Variants in ICA1 observed in about 807,000 individuals in gnomAD.
ICA1 encodes the protein islet cell autoantigen 1, also known as 69 kDa islet cell autoantigen.
ICA1 carries 40 observed loss-of-function variants against 71.0 expected under a neutral mutation model. That is an observed-to-expected ratio of 0.56 (90% confidence interval 0.44 to 0.73). ICA1 has a LOEUF of 0.73. Ranked by LOEUF, ICA1 falls within the 30% of genes least tolerant of loss-of-function variation. The pLI is 0.00. For synonymous variants in ICA1, 207 were observed against 209.5 expected (o/e 0.99, Z 0.10); for missense variants, 578 against 576.5 (o/e 1.00, Z -0.03).
intron 6 of ICA1, among the ~76,000 whole-genome samples, chr7:8,185,747 A>G (rs1783696895): frequency 6.6e-6 from 1 of 152,232 alleles, no homozygotes; most frequent in African/African-American, 2.4e-5. Flanking sequence ...TAATTTCCAA[A>G]TTAGTAAACA....
At position 8,113,654 on chromosome 7, in the gene ICA1, C is replaced by G; in HGVS notation, c.*269G>C. On this transcript the variant is annotated 3_prime_UTR_variant, in exon 14 of 14. Transcript: ENST00000402384. The surrounding 1 kb of genome is among the most constrained non-coding windows in gnomAD (Gnocchi z 4.2). Reference sequence around the variant, plus strand: ...CGGTAGCCCAGTGACACCGCAGCAGCCATGATGGGATGTAGGCAGGAGAGC... The same window carrying G: ...CGGTAGCCCAGTGACACCGCAGCAGGCATGATGGGATGTAGGCAGGAGAGC... 3.3e-6 allele frequency: 1 copy of G among 306,824 alleles called. No homozygotes were observed. Among genetic ancestry groups the G allele is most frequent in the Middle Eastern group, 1.0e-3 (1 of 970 alleles). The allele number at this position is 306,824 out of a possible 1,614,324, so 19.0% of individuals were successfully genotyped here.
intron 5 of ICA1, 103 bp from the exon 6 acceptor site, chr7:8,218,606 G>A (rs1796106279): frequency 1.1e-6 from 1 of 874,040 alleles, no homozygotes; most frequent in Non-Finnish European, 1.9e-6. Context: ...AACAGTACCT[G>A]GAATGTAGAA....
intron 12 of ICA1, among the ~76,000 whole-genome samples, chr7:8,129,695 AT>A (rs924356521): frequency 4.6e-5 from 7 of 152,062 alleles, no homozygotes; most frequent in African/African-American, 1.2e-4. Flanking sequence ...AGACAGTGTG[AT>A]TTTTTTTAAA....
Position 8,260,989 on chromosome 7 carries a change from T to C in ICA1, c.-80+1105A>G, listed in dbSNP as rs118144964. On this transcript the variant is annotated intron_variant, in intron 1 of 13. Transcript: ENST00000402384. ...AACATGTTTGCGATGAGTCATATTT[T>C]ATAGGACCTTAATGGCCAATAAATG... Among the ~76,000 whole-genome samples, 899 of 152,348 alleles carry C rather than the reference T, an allele frequency of 5.9e-3. 21 individuals carry two copies. The highest frequency in any genetic ancestry group is 0.043 in the East Asian group (225 of 5,178).
At chr7:8,140,194 GACA>G (rs1268049989) in intron 10 of ICA1, among the ~76,000 whole-genome samples, 6 of 152,128 alleles carry the variant, frequency 3.9e-5, no homozygotes, top group Admixed American at 6.5e-5. Context: ...CCTTGACTAT[GACA>G]ACATTAGTGA....
intron 8 of ICA1, among the ~76,000 whole-genome samples, chr7:8,145,307 C>A (rs1037723334): frequency 2.6e-5 from 4 of 152,188 alleles, no homozygotes; most frequent in Non-Finnish European, 5.9e-5. Flanking sequence ...TCCCTACCAT[C>A]CCCCAAACAT....
At chr7:8,149,839 G>A (rs1425335111) in intron 8 of ICA1, among the ~76,000 whole-genome samples, 2 of 152,196 alleles carry the variant, frequency 1.3e-5, no homozygotes, top group Non-Finnish European at 2.9e-5. Context: ...ATTCAGTTGG[G>A]TATGTGTATG....
intron 6 of ICA1, among the ~76,000 whole-genome samples, chr7:8,180,406 CAATT>C (rs1781849196): frequency 6.6e-6 from 1 of 152,084 alleles, no homozygotes; most frequent in Non-Finnish European, 1.5e-5. Context: ...AATGGTACCA[CAATT>C]AATTTATCCT....
At chr7:8,258,871 A>T (rs1811211387) in intron 1 of ICA1, among the ~76,000 whole-genome samples, 1 of 152,240 alleles carries the variant, frequency 6.6e-6, no homozygotes, top group Non-Finnish European at 1.5e-5. Flanking sequence ...ATCCAGGGCA[A>T]ATCATGCCTG....
intron 6 of ICA1, among the ~76,000 whole-genome samples, chr7:8,196,702 A>C (rs990918943): frequency 6.6e-6 from 1 of 152,160 alleles, no homozygotes; most frequent in Non-Finnish European, 1.5e-5. Context: ...CTCTTAAAAT[A>C]GTCTATTAAC....
intron 8 of ICA1, among the ~76,000 whole-genome samples, chr7:8,148,621 C>T (rs1045464463): frequency 6.6e-6 from 1 of 152,094 alleles, no homozygotes; most frequent in Non-Finnish European, 1.5e-5. Flanking sequence ...CAAGAACAAA[C>T]TGATGACAGT....
chr7:8,188,592 A>AT (rs1784592936), intron 6 of ICA1, among the ~76,000 whole-genome samples: 1 of 152,114 alleles, frequency 6.6e-6, no homozygotes. Flanking sequence ...CCTAGAAGGG[A>AT]TTTTTGGTAG....
chr7:8,216,900 C>G (rs1475216990), intron 6 of ICA1, among the ~76,000 whole-genome samples: 1 of 152,194 alleles, frequency 6.6e-6, no homozygotes, highest in African/African-American at 2.4e-5. Context: ...GCAACAGATA[C>G]AAATGATAAG....
In ICA1 at chr7:8,132,635, G is replaced by A. The variant is rs1791897784; in HGVS notation, c.1061-4493C>T. Reference sequence around the variant, plus strand: ...TGCTATCTCCTGGGAGTCCCCATGAGGCGGCTCTCTCGGATGACCTCCCAT... The same window carrying A: ...TGCTATCTCCTGGGAGTCCCCATGAAGCGGCTCTCTCGGATGACCTCCCAT... On this transcript the variant is annotated intron_variant, in intron 12 of 13. Transcript: ENST00000402384. The surrounding 1 kb of genome is among the most constrained non-coding windows in gnomAD (Gnocchi z 4.5). Among the ~76,000 whole-genome samples the A allele has an allele frequency of 6.6e-6, 1 of 152,172 alleles. No homozygotes were observed. The highest frequency in any genetic ancestry group is 1.5e-5 in the Non-Finnish European group (1 of 68,028).
rs1490515210 is a variant in ICA1 at position 8,228,610 on chromosome 7, T to C, written c.247A>G (p.Arg83Gly). ...LSKAIVLYQK[R>G]ICFLSQEENE... ...CTGATGTCATACTTACAACATATCC[T>C]CTTTTGATAGAGTACAATTGCTTTC... Residue 83 changes from arginine (R) to glycine (G), a missense_variant, in exon 4 of 14, where the codon AGG becomes GGG. Coordinates refer to ENST00000402384, the MANE Select transcript of ICA1 (RefSeq NM_001136020.3). 1 of 1,586,712 alleles carries C rather than the reference T, an allele frequency of 6.3e-7. No individual in the cohort carries two copies. The highest frequency in any genetic ancestry group is 8.6e-7 in the Non-Finnish European group (1 of 1,161,726).
chr7:8,158,183 G>A (rs867918855), intron 7 of ICA1: 12 of 234,714 alleles, frequency 5.1e-5, no homozygotes, highest in African/African-American at 2.8e-4. Flanking sequence ...ACAACGCTAA[G>A]TGAGTTCAGA....
At chr7:8,209,553 T>C (rs535383289) in intron 6 of ICA1, among the ~76,000 whole-genome samples, 2 of 152,344 alleles carry the variant, frequency 1.3e-5, no homozygotes, top group East Asian at 1.9e-4. Flanking sequence ...GGTTCGAGGA[T>C]GTGTAAGACC....
chr7:8,137,687 C>T (rs1419334462), intron 12 of ICA1, among the ~76,000 whole-genome samples: 1 of 152,122 alleles, frequency 6.6e-6, no homozygotes, highest in African/African-American at 2.4e-5. Context: ...TATTCATGGG[C>T]ATTCACACAG....
chr7:8,162,040 T>A (rs1306634093), intron 6 of ICA1, among the ~76,000 whole-genome samples: 1 of 152,240 alleles, frequency 6.6e-6, no homozygotes, highest in Non-Finnish European at 1.5e-5. Context: ...CCTACTTATA[T>A]GGAACCTCTA....
Sources: allele counts gnomAD v4.1 joint callset (sites outside exome capture counted in the v4.1 genomes callset), GRCh38; gene constraint gnomAD v4.1.1; non-coding constraint Gnocchi (gnomAD v3.1); transcripts MANE v1.5; gene names NCBI Gene and HGNC (gene_info 2026-07-23, HGNC 2026-07-21).